Variants in SLC25A13 observed in about 807,000 individuals in gnomAD.
SLC25A13 encodes the protein electrogenic aspartate/glutamate antiporter SLC25A13, mitochondrial.
Under a neutral mutation model 85.5 loss-of-function variants are expected in SLC25A13, and 70 were observed. The observed-to-expected ratio is 0.82, with a 90% confidence interval of 0.68 to 1.00. SLC25A13 has a LOEUF of 1.00. Ranked by LOEUF, SLC25A13 falls within the 50% of genes least tolerant of loss-of-function variation. SLC25A13 has a pLI of 0.00. For synonymous variants in SLC25A13, 259 were observed against 288.7 expected (o/e 0.90, Z 1.04); for missense variants, 765 against 819.8 (o/e 0.93, Z 0.82).
intron 15 of SLC25A13, among the ~76,000 whole-genome samples, chr7:96,126,699 T>C (rs1332381627): frequency 1.3e-5 from 2 of 152,214 alleles, no homozygotes; most frequent in African/African-American, 4.8e-5. Flanking sequence ...AGAGTCAATA[T>C]GGCTATTTCC....
intron 1 of SLC25A13, among the ~76,000 whole-genome samples, chr7:96,302,934 T>A (rs1273217534): frequency 1.3e-5 from 2 of 152,200 alleles, no homozygotes; most frequent in Admixed American, 1.3e-4. Context: ...CTTTAGATAA[T>A]GTCCAATTTT....
chr7:96,189,580 C>A lies in SLC25A13; in HGVS notation c.848+1G>T, dbSNP rs761370420. On this transcript the variant is annotated splice_donor_variant, in intron 8 of 17. Transcript: ENST00000265631. LOFTEE classifies it high-confidence loss of function. ...AAAAAAAAAAAAAAAAGCCAACTTA[C>A]CCCCTTGGCTCATATAAATCTGCTA... 3.8e-6 allele frequency: 6 copies of A among 1,589,360 alleles called. No homozygotes were observed. The highest frequency in any genetic ancestry group is 1.7e-4 in the Middle Eastern group (1 of 6,018).
At chr7:96,191,962 C>T (rs553519747) in intron 6 of SLC25A13, among the ~76,000 whole-genome samples, 76 of 152,238 alleles carry the variant, frequency 5.0e-4, no homozygotes, top group African/African-American at 1.7e-3. Flanking sequence ...AAATTCTATC[C>T]TTCCCTAGCA....
chr7:96,184,026 T>C (rs1274024620), intron 11 of SLC25A13, among the ~76,000 whole-genome samples: 1 of 152,180 alleles, frequency 6.6e-6, no homozygotes, highest in Non-Finnish European at 1.5e-5. Context: ...CGGAAGATGC[T>C]TATAAAAATA....
intron 13 of SLC25A13, among the ~76,000 whole-genome samples, chr7:96,148,890 A>G (rs535044058): frequency 6.6e-6 from 1 of 152,316 alleles, no homozygotes; most frequent in African/African-American, 2.4e-5. Flanking sequence ...ATGAAGATAA[A>G]AAGAGATGGA....
At chr7:96,154,511 G>A (rs1562799549) in intron 13 of SLC25A13, among the ~76,000 whole-genome samples, 1 of 152,086 alleles carries the variant, frequency 6.6e-6, no homozygotes, top group African/African-American at 2.4e-5. Context: ...TGGCCAGGAT[G>A]GTCTTGAACT....
intron 4 of SLC25A13, among the ~76,000 whole-genome samples, chr7:96,214,792 A>G (rs1795827748): frequency 6.6e-6 from 1 of 152,084 alleles, no homozygotes; most frequent in South Asian, 2.1e-4. Context: ...AAACAATAAA[A>G]TACTTAGAAA....
At chr7:96,145,992 G>A (rs1475857801) in intron 14 of SLC25A13, among the ~76,000 whole-genome samples, 3 of 152,062 alleles carry the variant, frequency 2.0e-5, no homozygotes, top group Non-Finnish European at 4.4e-5. Flanking sequence ...AGCCTTATAG[G>A]TTGGCATATA....
intron 15 of SLC25A13, among the ~76,000 whole-genome samples, chr7:96,123,413 G>A (rs1791596412): frequency 6.6e-6 from 1 of 152,142 alleles, no homozygotes; most frequent in Non-Finnish European, 1.5e-5. Flanking sequence ...TGCAATGGTG[G>A]GCAGGCATGT....
chr7:96,271,801 T>C (rs187361465), intron 3 of SLC25A13, among the ~76,000 whole-genome samples: 24 of 152,224 alleles, frequency 1.6e-4, no homozygotes, highest in African/African-American at 5.5e-4. Context: ...AAAAAGCATG[T>C]CTATTAATGG....
intron 3 of SLC25A13, among the ~76,000 whole-genome samples, chr7:96,247,917 G>A (rs1275360041): frequency 6.6e-6 from 1 of 151,024 alleles, no homozygotes; most frequent in Non-Finnish European, 1.5e-5. Flanking sequence ...AGTTTATACA[G>A]GGTGTTCTAG....
intron 1 of SLC25A13, among the ~76,000 whole-genome samples, chr7:96,310,699 G>A (rs1177091934): frequency 1.3e-5 from 2 of 152,006 alleles, no homozygotes; most frequent in Non-Finnish European, 2.9e-5. Context: ...TCTAATTCTA[G>A]CATAGCTTCT....
intron 3 of SLC25A13, among the ~76,000 whole-genome samples, chr7:96,274,334 C>G (rs367875581): frequency 6.6e-6 from 1 of 152,020 alleles, no homozygotes; most frequent in Non-Finnish European, 1.5e-5. Context: ...TCATATCCTT[C>G]GCCCACTTGT....
chr7:96,250,265 T>G (rs969404994), intron 3 of SLC25A13, among the ~76,000 whole-genome samples: 1 of 152,202 alleles, frequency 6.6e-6, no homozygotes, highest in Non-Finnish European at 1.5e-5. Flanking sequence ...TCAATATGAA[T>G]TACATGTTCA....
chr7:96,295,852 A>G (rs981689562), intron 2 of SLC25A13, among the ~76,000 whole-genome samples: 3 of 150,762 alleles, frequency 2.0e-5, no homozygotes, highest in Non-Finnish European at 4.4e-5. Flanking sequence ...GTATATTAAT[A>G]TATGTTATTA....
At chr7:96,184,651 A>G in intron 10 of SLC25A13, 2 of 639,224 alleles carry the variant, frequency 3.1e-6, no homozygotes, top group Non-Finnish European at 5.4e-6. Context: ...GATATTTTAA[A>G]TTAAGGCACA....
intron 3 of SLC25A13, among the ~76,000 whole-genome samples, chr7:96,261,843 T>C (rs559994526): frequency 3.9e-5 from 6 of 152,152 alleles, no homozygotes; most frequent in Non-Finnish European, 8.8e-5. Flanking sequence ...TCTTGCTGGG[T>C]TGTCCCATGA....
intron 4 of SLC25A13, among the ~76,000 whole-genome samples, chr7:96,228,442 T>A (rs1266130654): frequency 6.6e-6 from 1 of 152,130 alleles, no homozygotes; most frequent in Non-Finnish European, 1.5e-5. Context: ...AGCCACACAG[T>A]GAGATATCAC....
At chr7:96,301,214 G>A (rs1039586661) in intron 1 of SLC25A13, among the ~76,000 whole-genome samples, 1 of 152,108 alleles carries the variant, frequency 6.6e-6, no homozygotes, top group African/African-American at 2.4e-5. Context: ...TTCATTCTTG[G>A]GCTTTAGAAG....
Sources: gnomAD v4.1 joint callset for allele counts (sites outside exome capture counted in the v4.1 genomes callset) on GRCh38, gnomAD v4.1.1 for gene constraint, MANE v1.5 for transcripts, NCBI Gene and HGNC (gene_info 2026-07-23, HGNC 2026-07-21) for gene names.